CRACDL: variants seen among roughly 807,000 people sequenced by gnomAD.
The protein encoded by CRACDL is CRACD like.
A neutral mutation model predicts 70.6 loss-of-function variants in CRACDL; 26 were observed. The observed-to-expected ratio is 0.37, with a 90% CI of 0.27 to 0.51. The LOEUF (loss-of-function observed/expected upper bound fraction) is 0.51. Ranked by LOEUF, CRACDL falls within the 20% of genes least tolerant of loss-of-function variation. The probability of loss-of-function intolerance (pLI) is 0.94; values close to 1 mark genes in which losing one functional copy is unlikely to be tolerated. For synonymous variants in CRACDL, 618 were observed against 615.2 expected, an observed-to-expected ratio of 1.00 and a Z score of -0.07; for missense variants, 1,283 against 1,376.9, an observed-to-expected ratio of 0.93 and a Z score of 1.08.
chr2:98,935,198 C>T (rs1709176331), intron 1 of CRACDL, among the ~76,000 whole-genome samples: 1 of 152,114 alleles, frequency 6.6e-6, no homozygotes, highest in Non-Finnish European at 1.5e-5. Context: ...AAAAGGGTAA[C>T]ACAGCTGCCT....
At chr2:98,898,825 G>A (rs1441911133) in intron 1 of CRACDL, among the ~76,000 whole-genome samples, 1 of 152,218 alleles carries the variant, frequency 6.6e-6, no homozygotes, top group Non-Finnish European at 1.5e-5. Context: ...CTCATGCCTA[G>A]AATAGCAAGA....
At chr2:98,863,788 T>C (rs963540449) in intron 1 of CRACDL, among the ~76,000 whole-genome samples, 3 of 152,186 alleles carry the variant, frequency 2.0e-5, no homozygotes, top group Non-Finnish European at 2.9e-5. Context: ...AACCCCATCG[T>C]AAGTCAAGAA....
intron 1 of CRACDL, among the ~76,000 whole-genome samples, chr2:98,856,757 A>G (rs573026317): frequency 6.6e-6 from 1 of 152,364 alleles, no homozygotes; most frequent in South Asian, 2.1e-4. Context: ...TGATGCCTCA[A>G]CGTCCTCACA....
intron 1 of CRACDL, chr2:98,897,597 C>A (rs981825059): frequency 1.1e-5 from 3 of 261,734 alleles, no homozygotes; most frequent in Non-Finnish European, 2.3e-5. Flanking sequence ...AAAAATTAAC[C>A]TTTATTTTCA....
At chr2:98,839,701 G>C (rs1705937118) in intron 2 of CRACDL, among the ~76,000 whole-genome samples, 1 of 152,126 alleles carries the variant, frequency 6.6e-6, no homozygotes, top group Non-Finnish European at 1.5e-5. Context: ...TTCTTTAATG[G>C]TGACAGGACT....
intron 1 of CRACDL, among the ~76,000 whole-genome samples, chr2:98,866,475 CTTTTT>C (rs1173322192): frequency 1.8e-4 from 8 of 43,264 alleles, no homozygotes; most frequent in South Asian, 7.4e-4. Context: ...ATCACTTCTT[CTTTTT>C]TTTTTTTTTT....
At chr2:98,913,941 G>A (rs186214713) in intron 1 of CRACDL, among the ~76,000 whole-genome samples, 186 of 152,360 alleles carry the variant, frequency 1.2e-3, no homozygotes, top group Non-Finnish European at 1.9e-3. Flanking sequence ...CATGGTTTAC[G>A]CTTTATGCGC....
rs145421222 is a variant in CRACDL at position 98,850,380 on chromosome 2, G to A, written c.-10-3570C>T. On this transcript the variant is annotated intron_variant, in intron 1 of 9. Coordinates refer to ENST00000397899, the MANE Select transcript of CRACDL (RefSeq NM_207362.3). ...TCATCTCTGTTGGGCCAAGTAACTC[G>A]CCTTTCTGAATATGCGTTCCCCAAG... Among the ~76,000 whole-genome samples the A allele has an allele frequency of 4.1e-3, 617 of 152,320 alleles. 6 individuals carry two copies. Among genetic ancestry groups the A allele is most frequent in the African/African-American group, 0.014 (585 of 41,554 alleles).
At chr2:98,910,352 T>A (rs1041121329) in intron 1 of CRACDL, among the ~76,000 whole-genome samples, 3 of 151,918 alleles carry the variant, frequency 2.0e-5, no homozygotes, top group Admixed American at 2.0e-4. Flanking sequence ...AAACCCCGTC[T>A]CTACTAAAAA....
chr2:98,930,333 C>T (rs1285292657), intron 1 of CRACDL, among the ~76,000 whole-genome samples: 4 of 114,962 alleles, frequency 3.5e-5, no homozygotes, highest in Non-Finnish European at 3.7e-5. Context: ...CCCATCCCCA[C>T]CCTCTGTACC....
chr2:98,923,752 T>C (rs960983982), intron 1 of CRACDL, among the ~76,000 whole-genome samples: 6 of 152,242 alleles, frequency 3.9e-5, no homozygotes, highest in African/African-American at 1.4e-4. Flanking sequence ...TATGCATTTT[T>C]CCTACTGATG....
At position 98,811,516 on chromosome 2, in the gene CRACDL, CAAAAAAAAAA is replaced by C. The variant is rs1199306759; in HGVS notation, c.2416+10331_2416+10340del. 5.0e-4 allele frequency among the ~76,000 whole-genome samples: 25 copies of C among 49,640 alleles called. No homozygotes were observed. In the Admixed American group the frequency reaches 5.1e-3, roughly 10 times the overall value. The allele number at this position is 49,640 out of a possible 152,430, so 32.6% of individuals were successfully genotyped here. The stretch of plus-strand genomic sequence containing the variant: ...CTGGTGACAGAGCGAGACTCTGTCT[CAAAAAAAAAA>C]AAAAAAAAAAAAAGAAAATTATTCT... On this transcript the variant is annotated intron_variant, in intron 7 of 9. Transcript: ENST00000397899.
intron 3 of CRACDL, among the ~76,000 whole-genome samples, chr2:98,837,832 A>G (rs1252451054): frequency 6.6e-6 from 1 of 152,132 alleles, no homozygotes; most frequent in Admixed American, 6.5e-5. Context: ...TGATCCTGTC[A>G]CTTTCAGCTG....
chr2:98,826,521 G>A (rs1445948607), intron 6 of CRACDL, among the ~76,000 whole-genome samples: 2 of 152,166 alleles, frequency 1.3e-5, no homozygotes, highest in Admixed American at 6.5e-5. Flanking sequence ...TTTTTCTGGG[G>A]GACTCTCAGG....
chr2:98,892,337 G>T (rs1017079804), intron 1 of CRACDL, among the ~76,000 whole-genome samples: 3 of 152,028 alleles, frequency 2.0e-5, no homozygotes, highest in African/African-American at 7.3e-5. Context: ...TAAAAGAAAT[G>T]AGGTAGATCT....
chr2:98,906,241 C>A (rs1256718291), intron 1 of CRACDL, among the ~76,000 whole-genome samples: 2 of 146,514 alleles, frequency 1.4e-5, no homozygotes, highest in African/African-American at 5.2e-5. Context: ...CCAGTGAATT[C>A]TTTTTATTTT....
Position 98,868,998 on chromosome 2 carries a change from C to T in CRACDL, c.-10-22188G>A, listed in dbSNP as rs143279612. ...CATAGGCCTCAGGGGATGGTGGCCA[C>T]CCACGCCCCGGGAGTCACGGCCTGG... On this transcript the variant is annotated intron_variant, in intron 1 of 9. Transcript: ENST00000397899. The T allele has an allele frequency of 4.5e-3, 3,921 of 878,256 alleles. 131 individuals are homozygous for T. In the African/African-American group the frequency reaches 0.062, roughly 14 times the overall value. The allele number at this position is 878,256 out of a possible 1,614,324, so 54.4% of individuals were successfully genotyped here.
chr2:98,908,832 G>A (rs1708478022), intron 1 of CRACDL, among the ~76,000 whole-genome samples: 1 of 152,196 alleles, frequency 6.6e-6, no homozygotes. Flanking sequence ...TCCACTAAAA[G>A]TCCATCTGTA....
At chr2:98,796,386 G>A (rs903000207) in intron 8 of CRACDL, 122 bp from the exon 9 acceptor site, 14 of 970,148 alleles carry the variant, frequency 1.4e-5, no homozygotes, top group African/African-American at 3.2e-5. Flanking sequence ...GCACTTTCTC[G>A]GGAGGGCGCC....
Sources: allele counts gnomAD v4.1 joint callset (sites outside exome capture counted in the v4.1 genomes callset), GRCh38; gene constraint gnomAD v4.1.1; transcripts MANE v1.5; gene names NCBI Gene and HGNC (gene_info 2026-07-23, HGNC 2026-07-21).